The following PTPRN2 variants were observed in gnomAD, a reference collection of about 807,000 sequenced individuals.
PTPRN2 encodes receptor-type tyrosine-protein phosphatase N2.
In PTPRN2, 74 loss-of-function variants were observed where a neutral mutation model predicts 118.8. That is an observed-to-expected ratio of 0.62 (90% CI 0.52 to 0.76). The LOEUF (loss-of-function observed/expected upper bound fraction) is 0.76. Ranked by LOEUF, PTPRN2 falls within the 30% of genes least tolerant of loss-of-function variation. The pLI is 0.00. For missense variants in PTPRN2, 1,481 were observed against 1,394.4 expected (o/e 1.06, Z -0.99); for synonymous variants, 641 against 608.0 (o/e 1.05, Z -0.80).
rs148805247 is a variant in PTPRN2 at position 158,361,185 on chromosome 7, G to A, written c.164-44253C>T. Reference sequence around the variant, plus strand: ...CATCCACCCTCACCCAGGATGATGCGCAGACCCCACACCCTGGCAACCCAC... The same window carrying A: ...CATCCACCCTCACCCAGGATGATGCACAGACCCCACACCCTGGCAACCCAC... On this transcript the variant is annotated intron_variant, in intron 2 of 22. Transcript: ENST00000389418. Among the ~76,000 whole-genome samples the A allele has an allele frequency of 7.4e-4, 4 of 5,430 alleles. 2 individuals carry two copies. Among genetic ancestry groups the A allele is most frequent in the East Asian group, 3.6e-3 (2 of 562 alleles). The allele number at this position is 5,430 out of a possible 152,430, so 3.6% of individuals were successfully genotyped here.
At chr7:158,070,963 TGCTCACGGTGGA>T (rs1563388662) in intron 11 of PTPRN2, among the ~76,000 whole-genome samples, 3 of 104,038 alleles carry the variant, frequency 2.9e-5, no homozygotes, top group African/African-American at 9.2e-5. Flanking sequence ...GTGGTGGAGG[TGCTCACGGTGGA>T]GGTGCCCGTG....
intron 12 of PTPRN2, among the ~76,000 whole-genome samples, chr7:157,707,942 A>G (rs1798416619): frequency 6.6e-6 from 1 of 152,242 alleles, no homozygotes; most frequent in Non-Finnish European, 1.5e-5. Flanking sequence ...AAGAGTTAAC[A>G]TTTCTAGTTT....
chr7:158,497,698 T>C (rs1822055252), intron 1 of PTPRN2, among the ~76,000 whole-genome samples: 1 of 152,226 alleles, frequency 6.6e-6, no homozygotes, highest in Non-Finnish European at 1.5e-5. Flanking sequence ...AAGTGGCATG[T>C]TCTCTGCGCC....
intron 13 of PTPRN2, among the ~76,000 whole-genome samples, chr7:157,667,641 C>T (rs1307239806): frequency 1.3e-5 from 2 of 152,192 alleles, no homozygotes; most frequent in South Asian, 2.1e-4. Flanking sequence ...ACTAGAGTAA[C>T]TAGGCATTTT....
chr7:157,999,873 CT>C lies in PTPRN2; in HGVS notation c.1723+81424del, dbSNP rs975846065. On this transcript the variant is annotated intron_variant, in intron 11 of 22. Transcript: ENST00000389418. ...CTTTGGCCTCTGGTTTTTATTTTTA[CT>C]TTTTTTTTTTATTTTTCATTATTAT... 4.2e-3 allele frequency among the ~76,000 whole-genome samples: 617 copies of C among 148,252 alleles called. 3 individuals are homozygous for C. Among genetic ancestry groups the C allele is most frequent in the South Asian group, 0.018 (83 of 4,678 alleles).
intron 1 of PTPRN2, among the ~76,000 whole-genome samples, chr7:158,531,681 T>C (rs1484749381): frequency 3.9e-5 from 6 of 152,178 alleles, no homozygotes; most frequent in Middle Eastern, 3.2e-3. Context: ...ACAAAACCAA[T>C]GCACCACTGG....
rs1361295754 is a variant in PTPRN2, at chr7:158,571,519, CTATT to C, written c.112+16035_112+16038del. 6.7e-5 allele frequency among the ~76,000 whole-genome samples: 9 copies of C among 133,486 alleles called. No individual in the cohort carries two copies. The South Asian group carries it at 2.2e-3, about 33-fold the overall frequency. 87.6% of individuals were successfully genotyped at this position (133,486 alleles called of 152,430 possible). A position where few individuals can be genotyped will look rare whatever the true frequency, so the allele number is the denominator to read the frequency against. ...AAAAAAAACAAAAAAAAACACACAC[CTATT>C]TCTTTTTTTTTTTTTTTTTTTTTCT... is the stretch of plus-strand genomic sequence containing the variant. On this transcript the variant is annotated intron_variant, in intron 1 of 22. Transcript: ENST00000389418.
intron 2 of PTPRN2, among the ~76,000 whole-genome samples, chr7:158,430,057 G>A (rs113271371): frequency 0.026 from 3,884 of 152,138 alleles, 80 homozygotes; most frequent in South Asian, 0.066. Flanking sequence ...ACAGGTGCAC[G>A]CTACCACGCC....
rs188395072 is a variant in PTPRN2, at chr7:158,443,639, A to G, written c.163+46096T>C. ...CTGATGGGGGAGCGGCGTGGGGCAA[A>G]TCTTCCTGCCAAGCGTGCGAGCTGC... On this transcript the variant is annotated intron_variant, in intron 2 of 22. Coordinates refer to ENST00000389418, the MANE Select transcript of PTPRN2 (RefSeq NM_002847.5). 7.2e-5 allele frequency among the ~76,000 whole-genome samples: 11 copies of G among 152,046 alleles called. No individual in the cohort carries two copies. The East Asian group carries it at 2.1e-3, about 30-fold the overall frequency.
At chr7:157,973,821 G>A (rs149842220) in intron 11 of PTPRN2, among the ~76,000 whole-genome samples, 3 of 152,328 alleles carry the variant, frequency 2.0e-5, no homozygotes, top group Non-Finnish European at 4.4e-5. Context: ...AGACCACGCG[G>A]CATGGAAAGC....
intron 22 of PTPRN2, among the ~76,000 whole-genome samples, chr7:157,544,000 T>C (rs902568146): frequency 9.4e-5 from 13 of 138,640 alleles, no homozygotes; most frequent in Admixed American, 1.4e-4. Context: ...TGGAGAGAGA[T>C]GGAGAGCGGT....
rs576807613 is a variant in PTPRN2, at chr7:158,360,062, C to T, written c.164-43130G>A. On this transcript the variant is annotated intron_variant, in intron 2 of 22. Coordinates refer to ENST00000389418, the MANE Select transcript of PTPRN2 (RefSeq NM_002847.5). ...CCAAGTCCACCCACACCCAGGACGA[C>T]GCACAGACCCCACATCCACCCTCAC... is the stretch of plus-strand genomic sequence containing the variant. 4.3e-3 allele frequency among the ~76,000 whole-genome samples: 599 copies of T among 138,762 alleles called. 42 individuals carry two copies. Among genetic ancestry groups the T allele is most frequent in the African/African-American group, 0.016 (574 of 34,950 alleles). The allele number at this position is 138,762 out of a possible 152,430, so 91.0% of individuals were successfully genotyped here.
intron 3 of PTPRN2, among the ~76,000 whole-genome samples, chr7:158,242,965 A>G (rs1563027024): frequency 6.6e-6 from 1 of 151,884 alleles, no homozygotes; most frequent in Non-Finnish European, 1.5e-5. Flanking sequence ...CAACAAAACA[A>G]CTCCCAATTT....
At chr7:157,956,229 C>A (rs1225283341) in intron 11 of PTPRN2, among the ~76,000 whole-genome samples, 1 of 152,162 alleles carries the variant, frequency 6.6e-6, no homozygotes, top group African/African-American at 2.4e-5. Context: ...GCAGAAGACA[C>A]AGGGTTGGCT....
chr7:157,781,242 A>G (rs1424548985), intron 12 of PTPRN2, among the ~76,000 whole-genome samples: 1 of 152,094 alleles, frequency 6.6e-6, no homozygotes, highest in Non-Finnish European at 1.5e-5. Flanking sequence ...TATATTACAC[A>G]TGGGCTAGTG....
At chr7:158,230,772 T>C (rs958689325) in intron 3 of PTPRN2, among the ~76,000 whole-genome samples, 1 of 150,746 alleles carries the variant, frequency 6.6e-6, no homozygotes, top group African/African-American at 2.4e-5. Flanking sequence ...GAATGAGGAG[T>C]TACAAAACAA....
intron 3 of PTPRN2, among the ~76,000 whole-genome samples, chr7:158,305,463 ATTG>A (rs1385485295): frequency 6.6e-6 from 1 of 152,204 alleles, no homozygotes; most frequent in Non-Finnish European, 1.5e-5. Flanking sequence ...CCATGGCAGC[ATTG>A]TTTTTGGGTA....
chr7:158,352,986 C>G (rs1311102261), intron 2 of PTPRN2, among the ~76,000 whole-genome samples: 1 of 152,262 alleles, frequency 6.6e-6, no homozygotes. Context: ...CAGACACTCG[C>G]TCCTATTCCG....
At chr7:158,418,272 CG>C in intron 2 of PTPRN2, among the ~76,000 whole-genome samples, 1 of 148,610 alleles carries the variant, frequency 6.7e-6, no homozygotes, top group African/African-American at 2.5e-5. Context: ...TGTACTACAT[CG>C]AGATGCTGTA....
Sources: allele counts gnomAD v4.1 joint callset (sites outside exome capture counted in the v4.1 genomes callset), GRCh38; gene constraint gnomAD v4.1.1; transcripts MANE v1.5; gene names NCBI Gene and HGNC (gene_info 2026-07-23, HGNC 2026-07-21).